The following RFX3 variants were observed in gnomAD, a reference collection of about 807,000 sequenced individuals.
RFX3 encodes the protein regulatory factor X3, also known as transcription factor RFX3.
RFX3 carries 14 observed loss-of-function variants against 98.6 expected under a neutral mutation model. The ratio of observed to expected loss-of-function variants is 0.14; its 90% CI spans 0.09 to 0.22. The LOEUF is 0.22. RFX3 is among the 10% of genes least tolerant of loss of function. RFX3 has a pLI of 1.00. For missense variants in RFX3, 639 were observed against 926.9 expected, an observed-to-expected ratio of 0.69 and a Z score of 4.03; for synonymous variants, 383 against 328.4, an observed-to-expected ratio of 1.17 and a Z score of -1.80.
chr9:3,382,020 G>A (rs1250150035), intron 2 of RFX3, among the ~76,000 whole-genome samples: 1 of 152,072 alleles, frequency 6.6e-6, no homozygotes, highest in Admixed American at 6.6e-5. Context: ...TTTATTATAT[G>A]TTAGGTGAAA....
Position 3,389,025 on chromosome 9 carries a change from G to A in RFX3, c.117+6447C>T, listed in dbSNP as rs1025895605. On this transcript the variant is annotated intron_variant, in intron 2 of 16. Transcript: ENST00000617270. Reference sequence around the variant, plus strand: ...CTTAAAAGGGAGGAAAAAAATCTTAGAGCCATGGTCAAGATGGCTTAGAAA... The same window carrying A: ...CTTAAAAGGGAGGAAAAAAATCTTAAAGCCATGGTCAAGATGGCTTAGAAA... Among the ~76,000 whole-genome samples the A allele has an allele frequency of 2.0e-5, 3 of 152,092 alleles. 1 individual carries two copies. The highest frequency in any genetic ancestry group is 4.1e-4 in the South Asian group (2 of 4,830).
At chr9:3,290,834 AG>A (rs1323218459) in intron 6 of RFX3, among the ~76,000 whole-genome samples, 2 of 152,196 alleles carry the variant, frequency 1.3e-5, no homozygotes, top group Non-Finnish European at 2.9e-5. Context: ...GAAGGGGTTT[AG>A]GACATGCTAT....
chr9:3,436,084 T>C (rs575442524), intron 1 of RFX3, among the ~76,000 whole-genome samples: 1 of 152,000 alleles, frequency 6.6e-6, no homozygotes, highest in Non-Finnish European at 1.5e-5. Flanking sequence ...AGTACATCTT[T>C]ACACTAAAAA....
At chr9:3,339,945 G>A (rs1183411092) in intron 3 of RFX3, among the ~76,000 whole-genome samples, 1 of 152,012 alleles carries the variant, frequency 6.6e-6, no homozygotes, top group African/African-American at 2.4e-5. Flanking sequence ...ACATTGGCAA[G>A]TCAATCCTAA....
chr9:3,327,840 A>G (rs573191514), intron 4 of RFX3, among the ~76,000 whole-genome samples: 3 of 152,292 alleles, frequency 2.0e-5, no homozygotes, highest in Admixed American at 1.3e-4. Context: ...CTTAAGGAAT[A>G]ATGCCACCTT....
At chr9:3,234,154 A>C (rs1177190281) in intron 15 of RFX3, among the ~76,000 whole-genome samples, 2 of 152,220 alleles carry the variant, frequency 1.3e-5, no homozygotes, top group Admixed American at 6.5e-5. Context: ...AACTGATACC[A>C]GCAAAATATG....
At chr9:3,474,320 T>G (rs1849033077) in intron 1 of RFX3, among the ~76,000 whole-genome samples, 1 of 152,194 alleles carries the variant, frequency 6.6e-6, no homozygotes, top group Non-Finnish European at 1.5e-5. Context: ...ATGCAGCACT[T>G]TTTATGACCT....
intron 1 of RFX3, among the ~76,000 whole-genome samples, chr9:3,448,135 T>C (rs1380185788): frequency 1.3e-5 from 2 of 152,032 alleles, no homozygotes; most frequent in Non-Finnish European, 2.9e-5. Context: ...GCTCTTGAGA[T>C]TTACTCTGTA....
At chr9:3,515,175 G>C (rs955680979) in intron 1 of RFX3, among the ~76,000 whole-genome samples, 2 of 152,110 alleles carry the variant, frequency 1.3e-5, no homozygotes, top group African/African-American at 4.8e-5. Flanking sequence ...CTGTTACCTT[G>C]CTTATGAACT....
chr9:3,505,222 T>TTATATGTGAATATATATTTATA (rs1816835965), intron 1 of RFX3, among the ~76,000 whole-genome samples: 2 of 55,576 alleles, frequency 3.6e-5, no homozygotes, highest in Non-Finnish European at 5.4e-5. Context: ...GAATATATAT[T>TTATATGTGAATATATATTTATA]TATATATGAA....
rs1366530172 is a variant in RFX3 at position 3,223,334 on chromosome 9, C to T, written c.*1708G>A. The T allele has an allele frequency of 6.6e-6, 1 of 152,108 alleles. No homozygotes were observed. The highest frequency in any genetic ancestry group is 2.4e-5 in the African/African-American group (1 of 41,418). The allele number at this position is 152,108 out of a possible 1,614,324, so 9.4% of individuals were successfully genotyped here. ...TGGGTGTAACTCTCTAGGATCTCAC[C>T]TTCTGACTTTATAGCAGACTCCTGC... On this transcript the variant is annotated 3_prime_UTR_variant, in exon 17 of 17. Coordinates refer to ENST00000617270, the MANE Select transcript of RFX3 (RefSeq NM_001282116.2).
intron 3 of RFX3, among the ~76,000 whole-genome samples, chr9:3,342,120 A>G (rs1408566838): frequency 6.6e-6 from 1 of 152,218 alleles, no homozygotes; most frequent in East Asian, 1.9e-4. Flanking sequence ...GACTATAGGT[A>G]TAGTACTTTA....
chr9:3,352,793 G>C (rs1350002076), intron 2 of RFX3, among the ~76,000 whole-genome samples: 4 of 152,060 alleles, frequency 2.6e-5, no homozygotes, highest in Non-Finnish European at 5.9e-5. Flanking sequence ...TTCTGACCTA[G>C]AACCATTTTC....
intron 14 of RFX3, among the ~76,000 whole-genome samples, chr9:3,254,063 C>T (rs1821778985): frequency 6.6e-6 from 1 of 152,056 alleles, no homozygotes; most frequent in Non-Finnish European, 1.5e-5. Context: ...AAAATAATAA[C>T]TATAATAGTA....
rs139051935 is a variant in RFX3, at chr9:3,276,033, G to A, written c.974-421C>T. On this transcript the variant is annotated intron_variant, in intron 8 of 16. Coordinates refer to ENST00000617270, the MANE Select transcript of RFX3 (RefSeq NM_001282116.2). ...ACTGTTATAGAGTCATAAACCTAAA[G>A]AGCTACAAAGCAGATACAAAGAAAA... is the stretch of plus-strand genomic sequence containing the variant. 4.8e-4 allele frequency among the ~76,000 whole-genome samples: 73 copies of A among 152,124 alleles called. 3 individuals carry two copies. The East Asian group carries it at 7.5e-3, about 16-fold the overall frequency.
chr9:3,415,448 G>T (rs1842903428), intron 1 of RFX3, among the ~76,000 whole-genome samples: 1 of 151,772 alleles, frequency 6.6e-6, no homozygotes, highest in South Asian at 2.1e-4. Flanking sequence ...AATAGTTCCA[G>T]ATCTATTTAA....
intron 1 of RFX3, among the ~76,000 whole-genome samples, chr9:3,404,498 A>AT (rs1841783818): frequency 6.6e-6 from 1 of 152,122 alleles, no homozygotes; most frequent in Non-Finnish European, 1.5e-5. Flanking sequence ...CACTCCATGG[A>AT]TGGCTGTCCT....
Position 3,270,859 on chromosome 9 carries a change from G to A in RFX3, c.1202+144C>T, listed in dbSNP as rs189840892. 1.2e-4 allele frequency: 142 copies of A among 1,187,532 alleles called. No homozygotes were observed. In the East Asian group the frequency reaches 2.5e-3, roughly 21 times the overall value. 73.6% of individuals were successfully genotyped at this position (1,187,532 alleles called of 1,614,324 possible). ...TGAAACCTCAAGAGAGCAGTTCATG[G>A]TTTATTTCTAGGATGGCCAAAACAT... On this transcript the variant is annotated intron_variant, in intron 10 of 16. Transcript: ENST00000617270.
At chr9:3,481,873 T>A (rs1849795057) in intron 1 of RFX3, among the ~76,000 whole-genome samples, 1 of 150,960 alleles carries the variant, frequency 6.6e-6, no homozygotes, top group Non-Finnish European at 1.5e-5. Context: ...ATAAAAAAAA[T>A]AAATAAAAAG....
Sources: allele counts gnomAD v4.1 joint callset (sites outside exome capture counted in the v4.1 genomes callset), GRCh38; gene constraint gnomAD v4.1.1; transcripts MANE v1.5; gene names NCBI Gene and HGNC (gene_info 2026-07-23, HGNC 2026-07-21).